The following LRRTM4 variants were observed in gnomAD, a reference collection of about 807,000 sequenced individuals.
LRRTM4 encodes the protein leucine-rich repeat transmembrane neuronal protein 4.
A neutral mutation model predicts 47.6 loss-of-function variants in LRRTM4; 25 were observed. The ratio of observed to expected loss-of-function variants is 0.53; its 90% CI spans 0.38 to 0.73. LRRTM4 has a LOEUF of 0.73. Among genes scored for constraint, LRRTM4 ranks in the 30% least tolerant of loss-of-function variants. LRRTM4 has a pLI of 0.00. For synonymous variants in LRRTM4, 311 were observed against 269.5 expected (o/e 1.15, Z -1.51); for missense variants, 638 against 713.4 (o/e 0.89, Z 1.20).
intron 3 of LRRTM4, among the ~76,000 whole-genome samples, chr2:77,046,856 C>T (rs749446358): frequency 6.6e-6 from 1 of 151,968 alleles, no homozygotes; most frequent in African/African-American, 2.4e-5. Context: ...ATTCACAATG[C>T]ATTTATCATC....
chr2:76,888,091 A>T (rs1573260267), intron 3 of LRRTM4, among the ~76,000 whole-genome samples: 1 of 150,294 alleles, frequency 6.7e-6, no homozygotes, highest in Admixed American at 6.7e-5. Context: ...ATACATATAT[A>T]GTGTGTGTGT....
intron 3 of LRRTM4, among the ~76,000 whole-genome samples, chr2:76,880,909 T>C (rs534567967): frequency 8.3e-4 from 127 of 152,200 alleles, no homozygotes; most frequent in Non-Finnish European, 1.5e-3. Flanking sequence ...AATAATCAGT[T>C]TTAAAAGTAG....
intron 3 of LRRTM4, among the ~76,000 whole-genome samples, chr2:77,151,701 T>G (rs1245309612): frequency 6.6e-6 from 1 of 152,216 alleles, no homozygotes; most frequent in Admixed American, 6.5e-5. Context: ...GCATTTCATG[T>G]TCTTTTTAAA....
At chr2:76,770,423 T>C (rs1673646656) in intron 3 of LRRTM4, among the ~76,000 whole-genome samples, 1 of 152,234 alleles carries the variant, frequency 6.6e-6, no homozygotes, top group African/African-American at 2.4e-5. Context: ...ACAGAGGAAC[T>C]GCTTTCTGGA....
At chr2:76,847,181 T>G (rs192058891) in intron 3 of LRRTM4, among the ~76,000 whole-genome samples, 14 of 152,256 alleles carry the variant, frequency 9.2e-5, no homozygotes, top group African/African-American at 2.6e-4. Flanking sequence ...TTTGTGAAAT[T>G]ATATCTTTTG....
At chr2:77,399,006 G>A (rs1673827124) in intron 3 of LRRTM4, among the ~76,000 whole-genome samples, 1 of 151,684 alleles carries the variant, frequency 6.6e-6, no homozygotes, top group Non-Finnish European at 1.5e-5. Flanking sequence ...TTTTACAAAT[G>A]GTAGCAGTTC....
Position 77,502,036 on chromosome 2 carries a change from A to G in LRRTM4, c.1551+16282T>C, listed in dbSNP as rs549254522. On this transcript the variant is annotated intron_variant, in intron 3 of 3. Transcript: ENST00000409884. Reference sequence around the variant, plus strand: ...CAGAAATGACATAAGTGCAAACATTATTGTCCTAAATTTGCTTATCCTGAA... The same window carrying G: ...CAGAAATGACATAAGTGCAAACATTGTTGTCCTAAATTTGCTTATCCTGAA... Among the ~76,000 whole-genome samples the G allele has an allele frequency of 4.0e-5, 6 of 151,560 alleles. No homozygotes were observed. In the East Asian group the frequency reaches 1.2e-3, roughly 29 times the overall value.
chr2:77,444,234 T>C (rs1318103154), intron 3 of LRRTM4, among the ~76,000 whole-genome samples: 2 of 152,110 alleles, frequency 1.3e-5, no homozygotes, highest in Non-Finnish European at 2.9e-5. Flanking sequence ...AGATACCGAA[T>C]ATATTGGCCA....
intron 3 of LRRTM4, among the ~76,000 whole-genome samples, chr2:76,936,498 A>T (rs1368403431): frequency 1.3e-5 from 2 of 151,088 alleles, no homozygotes; most frequent in African/African-American, 4.9e-5. Context: ...TGACGGGTTG[A>T]TGGTTGCAGC....
intron 3 of LRRTM4, among the ~76,000 whole-genome samples, chr2:77,386,084 A>G (rs1368279130): frequency 1.3e-5 from 2 of 152,066 alleles, no homozygotes; most frequent in Non-Finnish European, 2.9e-5. Flanking sequence ...CAGTTCTGAA[A>G]TAAACCAATT....
At chr2:77,427,965 C>T (rs1675188511) in intron 3 of LRRTM4, among the ~76,000 whole-genome samples, 1 of 152,072 alleles carries the variant, frequency 6.6e-6, no homozygotes, top group Non-Finnish European at 1.5e-5. Context: ...TTTCACATGC[C>T]CTGGGAGGGA....
chr2:77,393,487 C>T (rs72809199), intron 3 of LRRTM4, among the ~76,000 whole-genome samples: 14 of 152,014 alleles, frequency 9.2e-5, no homozygotes, highest in Admixed American at 5.9e-4. Context: ...AAGTTCATTG[C>T]GGGAGTTTAA....
intron 3 of LRRTM4, among the ~76,000 whole-genome samples, chr2:76,841,100 A>G (rs1671662003): frequency 6.6e-6 from 1 of 150,678 alleles, no homozygotes; most frequent in Admixed American, 6.6e-5. Flanking sequence ...CAGCCATAAA[A>G]AATGATGAGT....
intron 3 of LRRTM4, among the ~76,000 whole-genome samples, chr2:77,470,824 G>A (rs1024877594): frequency 1.3e-5 from 2 of 152,106 alleles, no homozygotes; most frequent in Non-Finnish European, 2.9e-5. Context: ...TACAGCAGAA[G>A]CATGCCAGTT....
chr2:77,001,073 T>C (rs1677408093), intron 3 of LRRTM4, among the ~76,000 whole-genome samples: 1 of 152,168 alleles, frequency 6.6e-6, no homozygotes, highest in South Asian at 2.1e-4. Context: ...GTTCAGTATA[T>C]TTAAGCTAAC....
intron 3 of LRRTM4, among the ~76,000 whole-genome samples, chr2:77,337,050 A>C (rs1013539321): frequency 3.3e-5 from 5 of 152,192 alleles, no homozygotes; most frequent in Non-Finnish European, 7.3e-5. Context: ...ATGCACAAAA[A>C]TTAGTAGCAT....
chr2:76,775,173 C>T (rs140985724), intron 3 of LRRTM4, among the ~76,000 whole-genome samples: 65 of 152,302 alleles, frequency 4.3e-4, no homozygotes, highest in Non-Finnish European at 5.6e-4. Context: ...TTTCTTCCAG[C>T]AGGCATTTAT....
At chr2:77,036,532 A>G (rs1678843449) in intron 3 of LRRTM4, among the ~76,000 whole-genome samples, 1 of 151,668 alleles carries the variant, frequency 6.6e-6, no homozygotes, top group East Asian at 1.9e-4. Flanking sequence ...TAGGCTTCCT[A>G]CAATCCTTAT....
chr2:76,988,374 G>A lies in LRRTM4; in HGVS notation c.1552-239458C>T, dbSNP rs149528016. Reference sequence around the variant, plus strand: ...CATGTTCCACTAAAACCTAAATCGGGGCATTGAGGTGGCTGATGATGATAA... The same window carrying A: ...CATGTTCCACTAAAACCTAAATCGGAGCATTGAGGTGGCTGATGATGATAA... On this transcript the variant is annotated intron_variant, in intron 3 of 3. Coordinates refer to ENST00000409884, the MANE Select transcript of LRRTM4 (RefSeq NM_001134745.3). 1.1e-3 allele frequency among the ~76,000 whole-genome samples: 171 copies of A among 151,824 alleles called. 1 individual carries two copies. The highest frequency in any genetic ancestry group is 0.01 in the Middle Eastern group (3 of 294).
Sources: gnomAD v4.1 joint callset for allele counts (sites outside exome capture counted in the v4.1 genomes callset) on GRCh38, gnomAD v4.1.1 for gene constraint, MANE v1.5 for transcripts, NCBI Gene and HGNC (gene_info 2026-07-23, HGNC 2026-07-21) for gene names.